The following LRPAP1 variants were observed in gnomAD, a reference collection of about 807,000 sequenced individuals.
The protein encoded by LRPAP1 is LDL receptor related protein associated protein 1.
A neutral mutation model predicts 39.9 loss-of-function variants in LRPAP1; 41 were observed. That is an observed-to-expected ratio of 1.03 (90% CI 0.80 to 1.33). LRPAP1 has a LOEUF of 1.33. Among genes scored for constraint, LRPAP1 ranks in the 40% most tolerant of loss-of-function variants. The pLI is 0.00. For missense variants in LRPAP1, 565 were observed against 482.3 expected (o/e 1.17, Z -1.61); for synonymous variants, 263 against 212.7 (o/e 1.24, Z -2.06).
intron 5 of LRPAP1, 59 bp downstream of exon 5, chr4:3,517,975 A>G: frequency 6.5e-7 from 1 of 1,535,236 alleles, no homozygotes; most frequent in Non-Finnish European, 8.7e-7. Context: ...GCTTGTCCCC[A>G]AAACACAACC....
intron 2 of LRPAP1, among the ~76,000 whole-genome samples, chr4:3,521,216 G>A (rs1045138864): frequency 2.6e-5 from 4 of 152,156 alleles, no homozygotes; most frequent in African/African-American, 4.8e-5. Context: ...CCAGGGCCCC[G>A]CCTCCCACAG....
chr4:3,512,836 A>G lies in LRPAP1; in HGVS notation c.*138T>C, dbSNP rs1577202490. ...CGCGACGGCAGCGGCTGCAGTCACC[A>G]GAAACAATCCTTCCTGCCTCGACAC... On this transcript the variant is annotated 3_prime_UTR_variant, in exon 8 of 8. Transcript: ENST00000650182. 1.4e-6 allele frequency: 1 copy of G among 694,052 alleles called. No homozygotes were observed. The highest frequency in any genetic ancestry group is 2.7e-5 in the East Asian group (1 of 36,518). 43.0% of individuals were successfully genotyped at this position (694,052 alleles called of 1,614,324 possible). A position where few individuals can be genotyped will look rare whatever the true frequency, so the allele number is the denominator to read the frequency against.
intron 5 of LRPAP1, 194 bp downstream of exon 5, chr4:3,517,840 G>A: frequency 3.5e-6 from 2 of 575,394 alleles, no homozygotes; most frequent in South Asian, 6.0e-5. Flanking sequence ...GCTGGGGACG[G>A]CGAGTGACCT....
chr4:3,528,629 G>A (rs922976245), intron 1 of LRPAP1, among the ~76,000 whole-genome samples: 13 of 152,180 alleles, frequency 8.5e-5, no homozygotes, highest in African/African-American at 2.2e-4. Flanking sequence ...CTGAGTGCCC[G>A]CGCCAGACTG....
chr4:3,525,858 A>T (rs1730779), intron 1 of LRPAP1, among the ~76,000 whole-genome samples: 102,866 of 152,190 alleles, frequency 0.68, 35,638 homozygotes, highest in East Asian at 0.93. Context: ...CACGTCAGAA[A>T]GACTGGGCCA....
At chr4:3,522,658 A>T (rs1730774) in intron 2 of LRPAP1, among the ~76,000 whole-genome samples, 58,251 of 98,972 alleles carry the variant, frequency 0.59, 20,596 homozygotes, top group East Asian at 0.88. Flanking sequence ...CCTGGGGAGG[A>T]CGGACGCCGC....
At chr4:3,531,918 G>A (rs1730266386) in intron 1 of LRPAP1, 3 of 506,454 alleles carry the variant, frequency 5.9e-6, no homozygotes, top group East Asian at 3.6e-5. Flanking sequence ...CTGTCCCTAC[G>A]CTCGGGTCAG....
chr4:3,522,186 C>T lies in LRPAP1; in HGVS notation c.350-1993G>A, dbSNP rs565094314. On this transcript the variant is annotated intron_variant, in intron 2 of 7. Coordinates refer to ENST00000650182, the MANE Select transcript of LRPAP1 (RefSeq NM_002337.4). ...CAGCACTGAGGTCCCACCCCCAGGC[C>T]GTGCACCCCTGAGCCCGAGAGGAGG... Among the ~76,000 whole-genome samples the T allele has an allele frequency of 2.6e-5, 4 of 152,328 alleles. No homozygotes were observed. In the East Asian group the frequency reaches 5.8e-4, roughly 22 times the overall value.
In LRPAP1 at chr4:3,520,097, G is replaced by C; in HGVS notation, c.446C>G (p.Pro149Arg). Reference sequence around the variant, plus strand: ...CTTGTGCCACAGCTTTTCCAGCCTGGGGTCATCCAGCCCGTCTTCCTGGGT... The same window carrying C: ...CTTGTGCCACAGCTTTTCCAGCCTGCGGTCATCCAGCCCGTCTTCCTGGGT... ...SGTQEDGLDD[P>R]RLEKLWHKAK... Residue 149 changes from proline to arginine, a missense_variant, in exon 3 of 8, where the codon CCC becomes CGC. By Grantham distance (103) the Pro-to-Arg change is moderately radical (BLOSUM62 -2). Transcript: ENST00000650182. The C allele has an allele frequency of 6.2e-7, 1 of 1,614,100 alleles. No homozygotes were observed. Among genetic ancestry groups the C allele is most frequent in the Admixed American group, 1.7e-5 (1 of 60,010 alleles).
chr4:3,528,854 A>G (rs548965234), intron 1 of LRPAP1, among the ~76,000 whole-genome samples: 14 of 152,306 alleles, frequency 9.2e-5, no homozygotes, highest in African/African-American at 3.4e-4. Flanking sequence ...GTGCCCATGG[A>G]GGCCACTGGC....
rs1431753735 is a variant in LRPAP1, at chr4:3,508,284, G to C, written c.*4690C>G. ...GCCTCCCAAAGTGCTGGGATTACAA[G>C]CGTGAGCCACCATGCCAGGCCTCAT... On this transcript the variant is annotated 3_prime_UTR_variant, in exon 8 of 8. Transcript: ENST00000650182. 1 of 152,154 alleles carries C rather than the reference G, an allele frequency of 6.6e-6. No individual in the cohort carries two copies. Among genetic ancestry groups the C allele is most frequent in the Non-Finnish European group, 1.5e-5 (1 of 68,034 alleles). 9.4% of individuals were successfully genotyped at this position (152,154 alleles called of 1,614,324 possible).
chr4:3,505,771 G>T lies in LRPAP1; in HGVS notation c.*7203C>A, dbSNP rs1052667285. ...CAAGACCGTCTATACCACCACCCTG[G>T]ATTACAACTCGGCAAGATGCTGGGG... On this transcript the variant is annotated 3_prime_UTR_variant, in exon 8 of 8. Transcript: ENST00000650182. Among the ~76,000 whole-genome samples the T allele has an allele frequency of 1.1e-4, 16 of 152,354 alleles. No homozygotes were observed. The highest frequency in any genetic ancestry group is 3.4e-4 in the African/African-American group (14 of 41,586).
At chr4:3,519,319 G>A (rs770950249) in intron 3 of LRPAP1, among the ~76,000 whole-genome samples, 25 of 152,216 alleles carry the variant, frequency 1.6e-4, no homozygotes, top group Non-Finnish European at 2.8e-4. Context: ...CAGGTGGTGA[G>A]GACAGCAAGG....
chr4:3,518,135 A>T lies in LRPAP1; in HGVS notation c.650T>A (p.Leu217Gln). ...CTTCAGCTCCGTGTGCCTGCTGTGC[A>T]GGACGCTGCCCTTGATGTCGCTCAG... Reference protein sequence around the residue: ...SDLSDIKGSVLHSRHTELKEK... With the variant: ...SDLSDIKGSVQHSRHTELKEK... The change falls in exon 5 of 8, where the codon CTG becomes CAG. Residue 217 changes from leucine (L) to glutamine (Q), a missense_variant. Transcript: ENST00000650182. 6.2e-7 allele frequency: 1 copy of T among 1,613,678 alleles called. No homozygotes were observed. The highest frequency in any genetic ancestry group is 8.5e-7 in the Non-Finnish European group (1 of 1,179,958).
Position 3,530,074 on chromosome 4 carries a change from G to A in LRPAP1, c.204+2135C>T, listed in dbSNP as rs181370802. On this transcript the variant is annotated intron_variant, in intron 1 of 7. Coordinates refer to ENST00000650182, the MANE Select transcript of LRPAP1 (RefSeq NM_002337.4). ...GATACCTACCTAGAGCGGCGAGTCA[G>A]GTGGGGTAAGAAGCCGACTGGAGTG... is the stretch of plus-strand genomic sequence containing the variant. Among the ~76,000 whole-genome samples the A allele has an allele frequency of 2.0e-5, 3 of 152,300 alleles. No individual in the cohort carries two copies. The East Asian group carries it at 5.8e-4, about 29-fold the overall frequency.
rs139103216 is a variant in LRPAP1 at position 3,524,944 on chromosome 4, A to G, written c.312T>C (p.Asp104=). 6.2e-7 allele frequency: 1 copy of G among 1,614,128 alleles called. No individual in the cohort carries two copies. The highest frequency in any genetic ancestry group is 2.2e-5 in the East Asian group (1 of 44,882). The change falls in exon 2 of 8, where the codon GAT becomes GAC. Residue 104 remains aspartate (D), a synonymous_variant. Coordinates refer to ENST00000650182, the MANE Select transcript of LRPAP1 (RefSeq NM_002337.4). The part of the protein sequence containing the change: ...KKLKLDGLDE[D]GEKEARLIRN... Reference sequence around the variant, plus strand: ...GTATGAGTCTCGCTTCCTTCTCCCCATCTTCGTCCAAGCCGTCAAGCTTTA... The same window carrying G: ...GTATGAGTCTCGCTTCCTTCTCCCCGTCTTCGTCCAAGCCGTCAAGCTTTA...
At position 3,509,870 on chromosome 4, in the gene LRPAP1, C is replaced by T. The variant is rs185142391; in HGVS notation, c.*3104G>A. 7 of 151,818 alleles carry T rather than the reference C, an allele frequency of 4.6e-5. No individual in the cohort carries two copies. The highest frequency in any genetic ancestry group is 2.1e-4 in the South Asian group (1 of 4,808). 9.4% of individuals were successfully genotyped at this position (151,818 alleles called of 1,614,324 possible). On this transcript the variant is annotated 3_prime_UTR_variant, in exon 8 of 8. Coordinates refer to ENST00000650182, the MANE Select transcript of LRPAP1 (RefSeq NM_002337.4). Reference sequence around the variant, plus strand: ...CTGGAGTCACACACGGCAGTCAACGCGTGGACACTGGAGACTGTTAAGACA... The same window carrying T: ...CTGGAGTCACACACGGCAGTCAACGTGTGGACACTGGAGACTGTTAAGACA...
intron 1 of LRPAP1, among the ~76,000 whole-genome samples, chr4:3,528,080 C>T (rs997136197): frequency 1.3e-5 from 2 of 152,210 alleles, no homozygotes; most frequent in African/African-American, 2.4e-5. Flanking sequence ...AAAGCAGCCC[C>T]AGCTCTGTGC....
chr4:3,523,162 A>G (rs1729970867), intron 2 of LRPAP1, among the ~76,000 whole-genome samples: 1 of 152,144 alleles, frequency 6.6e-6, no homozygotes, highest in South Asian at 2.1e-4. Flanking sequence ...GGCCTGCAGG[A>G]GGGAGCTGGT....
Sources: allele counts gnomAD v4.1 joint callset (sites outside exome capture counted in the v4.1 genomes callset), GRCh38; gene constraint gnomAD v4.1.1; transcripts MANE v1.5; gene names NCBI Gene and HGNC (gene_info 2026-07-23, HGNC 2026-07-21).